The following IQANK1 variants were observed in gnomAD, a reference collection of about 807,000 sequenced individuals.
IQANK1 encodes IQ motif and ankyrin repeat domain-containing protein 1.
A neutral mutation model predicts 22.6 loss-of-function variants in IQANK1; 30 were observed. The observed-to-expected ratio is 1.33, with a 90% CI of 0.99 to 1.80. The LOEUF is 1.80. Ranked by LOEUF, IQANK1 falls within the 40% of genes most tolerant of loss-of-function variation. The pLI, the probability that IQANK1 is intolerant of heterozygous loss-of-function variation, is 0.00. For synonymous variants in IQANK1, 122 were observed against 99.6 expected (o/e 1.23, Z -1.34); for missense variants, 275 against 235.2 (o/e 1.17, Z -1.11).
chr8:143,749,585 T>A lies in IQANK1; in HGVS notation c.175+9637T>A, dbSNP rs1433794414. Among the ~76,000 whole-genome samples the A allele has an allele frequency of 5.0e-4, 39 of 77,502 alleles. No individual in the cohort carries two copies. In the East Asian group the frequency reaches 9.4e-3, roughly 19 times the overall value. The allele number at this position is 77,502 out of a possible 152,430, so 50.8% of individuals were successfully genotyped here. Reference sequence around the variant, plus strand: ...TATATATCAATCATATATATATATTTTATTTATTTATTTATTTTTTTTTTT... The same window carrying A: ...TATATATCAATCATATATATATATTATATTTATTTATTTATTTTTTTTTTT... On this transcript the variant is annotated intron_variant, in intron 3 of 13. Transcript: ENST00000527139.
At chr8:143,761,844 A>G (rs1399899590) in intron 3 of IQANK1, among the ~76,000 whole-genome samples, 1 of 151,408 alleles carries the variant, frequency 6.6e-6, no homozygotes, top group Non-Finnish European at 1.5e-5. Context: ...TAGGATCTGC[A>G]ATAAAAAGCA....
chr8:143,742,736 ACCTC>A (rs1554626748), intron 3 of IQANK1: 1 of 455,910 alleles, frequency 2.2e-6, no homozygotes, highest in Admixed American at 2.4e-5. Flanking sequence ...CAACCACCCT[ACCTC>A]CTGCACACGG....
chr8:143,739,885 C>A lies in IQANK1; in HGVS notation c.112C>A (p.Gln38Lys), dbSNP rs1182867615. 6 of 697,086 alleles carry A rather than the reference C, an allele frequency of 8.6e-6. No homozygotes were observed. Among genetic ancestry groups the A allele is most frequent in the Non-Finnish European group, 1.3e-5 (5 of 382,608 alleles). 43.2% of individuals were successfully genotyped at this position (697,086 alleles called of 1,614,324 possible). The change falls in exon 3 of 14, where the codon CAG (glutamine) becomes AAG (lysine). Residue 38 changes from glutamine (Q) to lysine (K), a missense_variant. Transcript: ENST00000527139. Reference protein sequence around the residue: ...AGKPGENRPPQRKAGWQAREP... With the variant: ...AGKPGENRPPKRKAGWQAREP... ...GAAGCCCGGGGAGAACCGCCCGCCG[C>A]AGAGGAAAGCGGGCTGGCAGGCGAG... is the stretch of plus-strand genomic sequence containing the variant.
At chr8:143,756,334 A>C (rs1387074415) in intron 3 of IQANK1, among the ~76,000 whole-genome samples, 1 of 152,146 alleles carries the variant, frequency 6.6e-6, no homozygotes, top group African/African-American at 2.4e-5. Context: ...GTACACCACG[A>C]GGGACTGTCT....
chr8:143,789,531 G>T lies in IQANK1; in HGVS notation c.1086+3G>T, dbSNP rs1819974772. Reference sequence around the variant, plus strand: ...ACAAGACCAAGCTCACGCTGCAGGTGGGGGCCCGTGGTGGACTTGATATGC... The same window carrying T: ...ACAAGACCAAGCTCACGCTGCAGGTTGGGGCCCGTGGTGGACTTGATATGC... On this transcript the variant is annotated splice_donor_region_variant and intron_variant, in intron 10 of 13. Transcript: ENST00000527139. 15 of 1,232,168 alleles carry T rather than the reference G, an allele frequency of 1.2e-5. No homozygotes were observed. The highest frequency in any genetic ancestry group is 1.5e-5 in the Non-Finnish European group (15 of 988,108). The allele number at this position is 1,232,168 out of a possible 1,614,324, so 76.3% of individuals were successfully genotyped here. A position where few individuals can be genotyped will look rare whatever the true frequency, so the allele number is the denominator to read the frequency against.
chr8:143,790,335 A>G lies in IQANK1; in HGVS notation c.1425-15A>G, dbSNP rs1820009634. 1 of 1,210,942 alleles carries G rather than the reference A, an allele frequency of 8.3e-7. No homozygotes were observed. 75.0% of individuals were successfully genotyped at this position (1,210,942 alleles called of 1,614,324 possible). ...TCCCTAGCCCCACCCTGGCCTCACC[A>G]GCCTCATGGGGCAGGTATGGGAAGC... On this transcript the variant is annotated splice_polypyrimidine_tract_variant and intron_variant, in intron 13 of 13. Coordinates refer to ENST00000527139, the MANE Select transcript of IQANK1 (RefSeq NM_001381874.1).
intron 3 of IQANK1, among the ~76,000 whole-genome samples, chr8:143,757,148 G>C (rs1180166682): frequency 6.6e-6 from 1 of 152,178 alleles, no homozygotes; most frequent in Admixed American, 6.5e-5. Flanking sequence ...AAGTGGTGAA[G>C]CAGGTGGCAT....
chr8:143,734,420 A>G (rs1423696552), intron 1 of IQANK1, among the ~76,000 whole-genome samples: 16 of 103,022 alleles, frequency 1.6e-4, no homozygotes, highest in Non-Finnish European at 2.5e-4. Flanking sequence ...GGGGTCCCCC[A>G]TCTTTCTCCC....
chr8:143,759,856 G>A (rs576413436), intron 3 of IQANK1: 1 of 152,308 alleles, frequency 6.6e-6, no homozygotes, highest in African/African-American at 2.4e-5. Flanking sequence ...TTTATACCAT[G>A]ACAGCCGTAA....
rs1214522309 is a variant in IQANK1 at position 143,771,606 on chromosome 8, G to A, written c.294G>A (p.Thr98=). ...ERREYLEQME[T]PQKEAYLAPV... ...GGGAGTACCTGGAGCAGATGGAGAC[G>A]CCGCAGAAGGAGGTGAGGACGGGCA... is the stretch of plus-strand genomic sequence containing the variant. Residue 98 remains threonine, a synonymous_variant, in exon 4 of 14, where the codon ACG becomes ACA. Transcript: ENST00000527139. This position sits in a 1 kb window ranked among gnomAD's most constrained non-coding sequence, Gnocchi z 6.0. The A allele has an allele frequency of 2.5e-6, 1 of 398,674 alleles. No individual in the cohort carries two copies. The highest frequency in any genetic ancestry group is 2.1e-5 in the African/African-American group (1 of 48,696). 24.7% of individuals were successfully genotyped at this position (398,674 alleles called of 1,614,324 possible).
At chr8:143,739,725 C>T (rs1227863857) in intron 2 of IQANK1, 134 bp from the exon 3 acceptor site, 1 of 577,366 alleles carries the variant, frequency 1.7e-6, no homozygotes, top group Non-Finnish European at 3.1e-6. Context: ...GTGCTTCCCT[C>T]GGGAGGAGGC....
At position 143,789,486 on chromosome 8, in the gene IQANK1, G is replaced by C. The variant is rs1819972555; in HGVS notation, c.1044G>C (p.Gln348His). ...ELSRRISEHD[Q>H]CEWRCMDKTK... ...GCCGGAGGATCTCAGAGCACGACCA[G>C]TGTGAGTGGAGGTGCATGGACAAGA... Residue 348 changes from glutamine to histidine, a missense_variant, in exon 10 of 14, where the codon CAG becomes CAC. By Grantham distance (24) the Gln-to-His change is conservative. Coordinates refer to ENST00000527139, the MANE Select transcript of IQANK1 (RefSeq NM_001381874.1). 8.1e-7 allele frequency: 1 copy of C among 1,232,344 alleles called. No homozygotes were observed. Among genetic ancestry groups the C allele is most frequent in the Non-Finnish European group, 1.0e-6 (1 of 988,212 alleles). 76.3% of individuals were successfully genotyped at this position (1,232,344 alleles called of 1,614,324 possible).
chr8:143,748,967 C>CAAA (rs1563770601), intron 3 of IQANK1, among the ~76,000 whole-genome samples: 6 of 109,554 alleles, frequency 5.5e-5, no homozygotes, highest in Admixed American at 1.2e-4. Flanking sequence ...AAATATATAT[C>CAAA]ATATATAAAT....
chr8:143,761,271 G>C (rs1819391643), intron 3 of IQANK1, among the ~76,000 whole-genome samples: 1 of 152,166 alleles, frequency 6.6e-6, no homozygotes, highest in Admixed American at 6.5e-5. Flanking sequence ...TGGCGGGACG[G>C]CCTCCCGTCT....
At chr8:143,762,341 G>GAAA (rs1563774295) in intron 3 of IQANK1, among the ~76,000 whole-genome samples, 4 of 151,106 alleles carry the variant, frequency 2.6e-5, no homozygotes, top group African/African-American at 9.8e-5. Flanking sequence ...AGGGAGGGAG[G>GAAA]GAAAAGAAAA....
At chr8:143,742,251 CAG>C (rs1196868615) in intron 3 of IQANK1, 1 of 400,614 alleles carries the variant, frequency 2.5e-6, no homozygotes, top group Non-Finnish European at 5.1e-6. Context: ...CAGTGATACA[CAG>C]CGCTCAAGTG....
At chr8:143,756,972 T>C (rs1008135769) in intron 3 of IQANK1, among the ~76,000 whole-genome samples, 3 of 142,208 alleles carry the variant, frequency 2.1e-5, no homozygotes, top group Non-Finnish European at 4.6e-5. Context: ...AATAGGACCC[T>C]GTCTAAAAAA....
chr8:143,757,007 C>T (rs1025909356), intron 3 of IQANK1, among the ~76,000 whole-genome samples: 26 of 151,922 alleles, frequency 1.7e-4, no homozygotes, highest in African/African-American at 5.8e-4. Flanking sequence ...CAGAAAAGAG[C>T]ATGACTTTGC....
In IQANK1 at chr8:143,758,833, C is replaced by G. The variant is rs1554628672; in HGVS notation, c.176-12655C>G. 1 of 154,278 alleles carries G rather than the reference C, an allele frequency of 6.5e-6. No individual in the cohort carries two copies. The highest frequency in any genetic ancestry group is 6.5e-5 in the Admixed American group (1 of 15,278). The allele number at this position is 154,278 out of a possible 1,614,324, so 9.6% of individuals were successfully genotyped here. On this transcript the variant is annotated intron_variant, in intron 3 of 13. Transcript: ENST00000527139. The surrounding 1 kb of genome is among the most constrained non-coding windows in gnomAD (Gnocchi z 4.2). ...AATTTCCAAGCTGCTTCACAGAGGC[C>G]AAAGATGACAACACGAGAGGTGGTC...
Sources: allele counts gnomAD v4.1 joint callset (sites outside exome capture counted in the v4.1 genomes callset), GRCh38; gene constraint gnomAD v4.1.1; non-coding constraint Gnocchi (gnomAD v3.1); transcripts MANE v1.5; gene names NCBI Gene and HGNC (gene_info 2026-07-23, HGNC 2026-07-21).